PHACTR2: variants seen among roughly 807,000 people sequenced by gnomAD.
The protein encoded by PHACTR2 is chromosome 6 open reading frame 56.
In PHACTR2, 30 loss-of-function variants were observed where a neutral mutation model predicts 76.0. The ratio of observed to expected loss-of-function variants is 0.39; its 90% confidence interval spans 0.30 to 0.54. The LOEUF is 0.54. PHACTR2 is among the 20% of genes least tolerant of loss of function. PHACTR2 has a pLI of 0.61. For synonymous variants in PHACTR2, 292 were observed against 292.5 expected, an observed-to-expected ratio of 1.00 and a Z score of 0.02; for missense variants, 696 against 781.1, an observed-to-expected ratio of 0.89 and a Z score of 1.30.
upstream of PHACTR2, among the ~76,000 whole-genome samples, chr6:143,675,305 A>G (rs957398375): frequency 6.6e-6 from 1 of 152,244 alleles, no homozygotes; most frequent in Non-Finnish European, 1.5e-5. The surrounding 1 kb of genome is among the most constrained non-coding windows in gnomAD (Gnocchi z 4.9). Flanking sequence ...AAGGCTAAAT[A>G]GAAGCTATTC....
Position 143,711,921 on chromosome 6 carries a change from G to A in PHACTR2, c.47-95G>A, listed in dbSNP as rs929839721. The A allele has an allele frequency of 9.7e-6, 10 of 1,033,272 alleles. No homozygotes were observed. The Admixed American group carries it at 1.4e-4, about 14-fold the overall frequency. 64.0% of individuals were successfully genotyped at this position (1,033,272 alleles called of 1,614,324 possible). A position where few individuals can be genotyped will look rare whatever the true frequency, so the allele number is the denominator to read the frequency against. ...ATGTGAGATTCCAATTAGAGTGGAC[G>A]TGCTTACCGTTAACAGCCCAGGGAC... On this transcript the variant is annotated intron_variant, in intron 1 of 12. Coordinates refer to ENST00000440869, the MANE Select transcript of PHACTR2 (RefSeq NM_001100164.2).
rs1044012462 is a variant in PHACTR2, at chr6:143,822,445, G to A, written c.1923-1229G>A. ...TGTGGAAGGCAAAGGTGGGCAAATC[G>A]CTTGAGACCAGGAGTTCAAGACCAG... On this transcript the variant is annotated intron_variant, in intron 12 of 12. Transcript: ENST00000440869. This position sits in a 1 kb window ranked among gnomAD's most constrained non-coding sequence, Gnocchi z 5.5. Among the ~76,000 whole-genome samples the A allele has an allele frequency of 2.0e-5, 3 of 152,114 alleles. No homozygotes were observed. Among genetic ancestry groups the A allele is most frequent in the East Asian group, 1.9e-4 (1 of 5,172 alleles).
Position 143,556,738 on chromosome 6 carries a change from A to T in PHACTR2, c.217+19531A>T, listed in dbSNP as rs1775179763. Among the ~76,000 whole-genome samples, 1 of 152,168 alleles carries T rather than the reference A, an allele frequency of 6.6e-6. No individual in the cohort carries two copies. Among genetic ancestry groups the T allele is most frequent in the Admixed American group, 6.5e-5 (1 of 15,274 alleles). ...GAAGGAAGACGTACATCACCACAGG[A>T]CCACAGCGACGCATCACCATGGAAT... is the stretch of plus-strand genomic sequence containing the variant. On this transcript the variant is annotated intron_variant, in intron 1 of 11. Transcript: ENST00000367584. This position sits in a 1 kb window ranked among gnomAD's most constrained non-coding sequence, Gnocchi z 4.3.
Position 143,764,396 on chromosome 6 carries a change from C to A in PHACTR2, c.695-865C>A, listed in dbSNP as rs146507982. ...GTTAGCCAGGCATGGTGGTACACAC[C>A]TGTAGTCCCAGCTACTCAGGAGGCT... is the stretch of plus-strand genomic sequence containing the variant. On this transcript the variant is annotated intron_variant, in intron 5 of 12. Transcript: ENST00000440869. This position sits in a 1 kb window ranked among gnomAD's most constrained non-coding sequence, Gnocchi z 4.7. Among the ~76,000 whole-genome samples the A allele has an allele frequency of 6.6e-6, 1 of 152,034 alleles. No homozygotes were observed. Among genetic ancestry groups the A allele is most frequent in the Non-Finnish European group, 1.5e-5 (1 of 67,994 alleles).
At chr6:143,779,474 C>T (rs999115434) in intron 9 of PHACTR2, among the ~76,000 whole-genome samples, 19 of 151,786 alleles carry the variant, frequency 1.3e-4, no homozygotes, top group African/African-American at 3.9e-4. Flanking sequence ...TCAGTCGTCC[C>T]GAGTAGCTGG....
Position 143,611,650 on chromosome 6 carries a change from A to G in PHACTR2, c.13+3328A>G, listed in dbSNP as rs2128437823. On this transcript the variant is annotated intron_variant, in intron 1 of 11. Coordinates refer to the PHACTR2 transcript ENST00000305766. This position sits in a 1 kb window ranked among gnomAD's most constrained non-coding sequence, Gnocchi z 4.4. ...GGTACAATGGCTGGCATATGGCAGCATACAATGCATGTTGGCGTTTTAGAG... is the reference window on the plus strand; with the variant it reads ...GGTACAATGGCTGGCATATGGCAGCGTACAATGCATGTTGGCGTTTTAGAG... Among the ~76,000 whole-genome samples the G allele has an allele frequency of 6.6e-6, 1 of 152,370 alleles. No homozygotes were observed. Among genetic ancestry groups the G allele is most frequent in the Middle Eastern group, 3.4e-3 (1 of 294 alleles).
chr6:143,615,509 A>G (rs545971127), intron 1 of PHACTR2, among the ~76,000 whole-genome samples: 1 of 152,350 alleles, frequency 6.6e-6, no homozygotes, highest in Admixed American at 6.5e-5. Context: ...GTATATGGAT[A>G]AGACAAAATA....
intron 1 of PHACTR2, among the ~76,000 whole-genome samples, chr6:143,629,765 C>T (rs986417327): frequency 7.9e-5 from 12 of 152,140 alleles, no homozygotes; most frequent in African/African-American, 2.4e-4. Flanking sequence ...CAGAGCAGTG[C>T]GCTCTTCCAT....
chr6:143,633,881 G>T lies in PHACTR2; in HGVS notation c.13+25559G>T, dbSNP rs1407042066. ...CAGTTACCTTTTGAAGATGAACTTT[G>T]TAAGATGAACTATAGATTTAAGATG... On this transcript the variant is annotated intron_variant, in intron 1 of 11. Coordinates refer to the PHACTR2 transcript ENST00000305766. The surrounding 1 kb of genome is among the most constrained non-coding windows in gnomAD (Gnocchi z 4.1). Among the ~76,000 whole-genome samples the T allele has an allele frequency of 6.6e-6, 1 of 152,126 alleles. No homozygotes were observed. Among genetic ancestry groups the T allele is most frequent in the Non-Finnish European group, 1.5e-5 (1 of 67,998 alleles).
intron 7 of PHACTR2, among the ~76,000 whole-genome samples, chr6:143,773,534 A>T (rs576185431): frequency 6.6e-6 from 1 of 151,942 alleles, no homozygotes; most frequent in South Asian, 2.1e-4. Context: ...ATGGAGCAAA[A>T]AAAAAAAAAA....
chr6:143,681,610 T>C (rs1449496008), intron 1 of PHACTR2, among the ~76,000 whole-genome samples: 1 of 152,216 alleles, frequency 6.6e-6, no homozygotes, highest in East Asian at 1.9e-4. Context: ...GTTTATCAAT[T>C]TTTTTCTTTT....
intron 1 of PHACTR2, among the ~76,000 whole-genome samples, chr6:143,669,321 T>G (rs1777103332): frequency 6.6e-6 from 1 of 152,158 alleles, no homozygotes; most frequent in Admixed American, 6.6e-5. Flanking sequence ...ATAGGTGCAA[T>G]GTGGTGCTGA....
In PHACTR2 at chr6:143,760,773, C is replaced by A; in HGVS notation, c.694+133C>A. 3.0e-6 allele frequency: 3 copies of A among 1,009,934 alleles called. No individual in the cohort carries two copies. Among genetic ancestry groups the A allele is most frequent in the South Asian group, 1.7e-5 (1 of 58,004 alleles). 62.6% of individuals were successfully genotyped at this position (1,009,934 alleles called of 1,614,324 possible). A position where few individuals can be genotyped will look rare whatever the true frequency, so the allele number is the denominator to read the frequency against. On this transcript the variant is annotated intron_variant, in intron 5 of 12. Transcript: ENST00000440869. This position sits in a 1 kb window ranked among gnomAD's most constrained non-coding sequence, Gnocchi z 6.4. The stretch of plus-strand genomic sequence containing the variant: ...TACACCAGCAGGTTCAGCTTTGACA[C>A]AAAGAATGCCCAGGAGATTCCTTTG...
intron 2 of PHACTR2, among the ~76,000 whole-genome samples, chr6:143,745,003 C>T: frequency 6.6e-6 from 1 of 152,148 alleles, no homozygotes; most frequent in East Asian, 1.9e-4. Context: ...GGCCATGAGT[C>T]ATTTATTTAC....
At chr6:143,630,187 ATG>A (rs1249316425) in intron 1 of PHACTR2, among the ~76,000 whole-genome samples, 1 of 123,860 alleles carries the variant, frequency 8.1e-6, no homozygotes, top group Non-Finnish European at 1.9e-5. Flanking sequence ...TATTATTTGA[ATG>A]AAGATCAAAA....
At chr6:143,721,421 AT>A (rs1349620634) in intron 2 of PHACTR2, among the ~76,000 whole-genome samples, 2 of 152,146 alleles carry the variant, frequency 1.3e-5, no homozygotes, top group African/African-American at 4.8e-5. Flanking sequence ...CACTTTCATA[AT>A]TTTCAATTGA....
intron 1 of PHACTR2, among the ~76,000 whole-genome samples, chr6:143,628,973 A>ATATATATATATG (rs1776312530): frequency 9.0e-6 from 1 of 110,800 alleles, no homozygotes; most frequent in Non-Finnish European, 1.8e-5. Context: ...ATATATATAT[A>ATATATATATATG]TATATACTGC....
At position 143,556,191 on chromosome 6, in the gene PHACTR2, T is replaced by G. The variant is rs1027620905; in HGVS notation, c.217+18984T>G. 1.3e-5 allele frequency among the ~76,000 whole-genome samples: 2 copies of G among 152,210 alleles called. No homozygotes were observed. Among genetic ancestry groups the G allele is most frequent in the Non-Finnish European group, 2.9e-5 (2 of 68,034 alleles). ...CATTACTAAAGTCCCTAGCTTTGATTAGAATTTTGTGATACCAGCTACTGT... is the reference window on the plus strand; with the variant it reads ...CATTACTAAAGTCCCTAGCTTTGATGAGAATTTTGTGATACCAGCTACTGT... On this transcript the variant is annotated intron_variant, in intron 1 of 11. Coordinates refer to the PHACTR2 transcript ENST00000367584. The surrounding 1 kb of genome is among the most constrained non-coding windows in gnomAD (Gnocchi z 4.3).
intron 10 of PHACTR2, among the ~76,000 whole-genome samples, chr6:143,786,213 A>G (rs148455843): frequency 2.1e-4 from 32 of 152,288 alleles, no homozygotes; most frequent in African/African-American, 6.5e-4. Context: ...GATACCCTAA[A>G]TCATCTCTCT....
Sources: gnomAD v4.1 joint callset for allele counts (sites outside exome capture counted in the v4.1 genomes callset) on GRCh38, gnomAD v4.1.1 for gene constraint, Gnocchi (gnomAD v3.1) non-coding constraint, MANE v1.5 for transcripts, NCBI Gene and HGNC (gene_info 2026-07-23, HGNC 2026-07-21) for gene names.